ANO10: variants seen among roughly 807,000 people sequenced by gnomAD.
ANO10 encodes the protein anoctamin-10.
In ANO10, 77 loss-of-function variants were observed where a neutral mutation model predicts 74.7. The ratio of observed to expected loss-of-function variants is 1.03; its 90% confidence interval spans 0.86 to 1.25. ANO10 has a LOEUF of 1.25. Among genes scored for constraint, ANO10 ranks in the 50% most tolerant of loss-of-function variants. The pLI, the probability that ANO10 is intolerant of heterozygous loss-of-function variation, is 0.00. For missense variants in ANO10, 721 were observed against 778.1 expected (o/e 0.93, Z 0.87); for synonymous variants, 279 against 284.9 (o/e 0.98, Z 0.21).
chr3:43,556,756 G>A (rs554971191), intron 9 of ANO10, among the ~76,000 whole-genome samples: 4 of 152,060 alleles, frequency 2.6e-5, no homozygotes, highest in East Asian at 1.9e-4. Flanking sequence ...CTAAAAACAC[G>A]GAACAAACAT....
At chr3:43,421,873 TGTA>T (rs1251613375) in intron 12 of ANO10, among the ~76,000 whole-genome samples, 6 of 152,064 alleles carry the variant, frequency 3.9e-5, no homozygotes, top group African/African-American at 7.2e-5. Flanking sequence ...GTAAAATACG[TGTA>T]ACATAAAATC....
chr3:43,470,263 C>T (rs2075796964), intron 11 of ANO10, among the ~76,000 whole-genome samples: 1 of 152,202 alleles, frequency 6.6e-6, no homozygotes, highest in Admixed American at 6.5e-5. Context: ...TTCCAACATT[C>T]TGGAAAAAGC....
rs144440898 is a variant in ANO10 at position 43,652,433 on chromosome 3, C to T, written c.-12+39084G>A. On this transcript the variant is annotated intron_variant, in intron 1 of 3. Transcript: ENST00000413397. The stretch of plus-strand genomic sequence containing the variant: ...AGAACAGTCTTTTCAACAAACAGTG[C>T]TCAGACAACTGAATGTTCACAAGCA... 3.7e-3 allele frequency among the ~76,000 whole-genome samples: 558 copies of T among 152,264 alleles called. 2 individuals carry two copies. Among genetic ancestry groups the T allele is most frequent in the African/African-American group, 0.013 (528 of 41,538 alleles).
chr3:43,439,686 C>T (rs2093129940), intron 11 of ANO10, among the ~76,000 whole-genome samples: 1 of 151,898 alleles, frequency 6.6e-6, no homozygotes. Flanking sequence ...TTGAAACCAG[C>T]CTGGGCAACA....
Position 43,605,804 on chromosome 3 carries a change from G to T in ANO10, c.49C>A (p.Pro17Thr). ...TGAGCAAGTTCTATGACCACCAAAG[G>T]TGTGAAAGAACTCTCAGAAGTATCC... Reference protein sequence around the residue: ...ALDTSESSFTPLVVIELAQDV... With the variant: ...ALDTSESSFTTLVVIELAQDV... Residue 17 changes from proline to threonine, a missense_variant, in exon 2 of 13, where the codon CCT (proline) becomes ACT (threonine). Pro to Thr is a conservative substitution (Grantham distance 38). Coordinates refer to ENST00000292246, the MANE Select transcript of ANO10 (RefSeq NM_018075.5). 6.2e-7 allele frequency: 1 copy of T among 1,613,636 alleles called. No homozygotes were observed.
chr3:43,567,892 C>A (rs532036800), intron 7 of ANO10, among the ~76,000 whole-genome samples: 2 of 152,066 alleles, frequency 1.3e-5, no homozygotes, highest in African/African-American at 4.8e-5. Flanking sequence ...GACGGGCAAA[C>A]TGGATAAAGA....
intron 1 of ANO10, among the ~76,000 whole-genome samples, chr3:43,663,150 G>C (rs2083946293): frequency 6.6e-6 from 1 of 152,136 alleles, no homozygotes; most frequent in African/African-American, 2.4e-5. Context: ...TCAATAAAAT[G>C]CTGGCAAACC....
At position 43,437,090 on chromosome 3, in the gene ANO10, T is replaced by C. The variant is rs141593895; in HGVS notation, c.1798-4363A>G. On this transcript the variant is annotated intron_variant, in intron 11 of 12. Transcript: ENST00000292246. The stretch of plus-strand genomic sequence containing the variant: ...GGAGCAGAGATTGAAAAAAATGTTA[T>C]GGAATTAGGCTCTTAAGAAAACAAC... Among the ~76,000 whole-genome samples, 27 of 152,334 alleles carry C rather than the reference T, an allele frequency of 1.8e-4. No homozygotes were observed. In the East Asian group the frequency reaches 4.2e-3, roughly 24 times the overall value.
Position 43,383,235 on chromosome 3 carries a change from C to T in ANO10, c.1915-16261G>A, listed in dbSNP as rs180718358. Among the ~76,000 whole-genome samples, 41 of 152,184 alleles carry T rather than the reference C, an allele frequency of 2.7e-4. No homozygotes were observed. The East Asian group carries it at 4.4e-3, about 17-fold the overall frequency. On this transcript the variant is annotated intron_variant, in intron 12 of 12. Transcript: ENST00000292246. ...TTGGGAGGCCAAGGCGGGCAGATCACGAGGTCAGGAGATCCAGACCATCCT... is the reference window on the plus strand; with the variant it reads ...TTGGGAGGCCAAGGCGGGCAGATCATGAGGTCAGGAGATCCAGACCATCCT...
At chr3:43,656,583 G>A (rs1368291842) in intron 1 of ANO10, among the ~76,000 whole-genome samples, 1 of 152,258 alleles carries the variant, frequency 6.6e-6, no homozygotes, top group Non-Finnish European at 1.5e-5. Flanking sequence ...CGGGAAGGCA[G>A]CTAAGGCCTG....
intron 11 of ANO10, among the ~76,000 whole-genome samples, chr3:43,491,453 G>A (rs1237641345): frequency 2.0e-5 from 3 of 152,154 alleles, no homozygotes; most frequent in African/African-American, 7.2e-5. Flanking sequence ...GGTGGGGGCT[G>A]CAGTGAGCCA....
chr3:43,546,128 G>C (rs935470472), intron 11 of ANO10, among the ~76,000 whole-genome samples: 2 of 152,048 alleles, frequency 1.3e-5, no homozygotes, highest in Non-Finnish European at 2.9e-5. Context: ...AAGTCAATAA[G>C]GTATAAACAA....
At chr3:43,582,165 T>C (rs1250406653) in intron 4 of ANO10, among the ~76,000 whole-genome samples, 2 of 151,708 alleles carry the variant, frequency 1.3e-5, no homozygotes, top group Non-Finnish European at 2.9e-5. Flanking sequence ...AAACACAAAG[T>C]TTTTGGCTGG....
At chr3:43,666,352 G>A (rs916174360) in intron 1 of ANO10, among the ~76,000 whole-genome samples, 3 of 152,010 alleles carry the variant, frequency 2.0e-5, no homozygotes, top group Admixed American at 6.6e-5. Context: ...CTGGATTGGG[G>A]GAATTGAATT....
At chr3:43,656,187 T>C (rs1305288510) in intron 1 of ANO10, among the ~76,000 whole-genome samples, 1 of 149,568 alleles carries the variant, frequency 6.7e-6, no homozygotes, top group Non-Finnish European at 1.5e-5. Flanking sequence ...CCAGAGCAGC[T>C]AGATACAGAG....
chr3:43,468,494 G>C (rs1475281203), intron 11 of ANO10, among the ~76,000 whole-genome samples: 2 of 152,086 alleles, frequency 1.3e-5, no homozygotes, highest in Non-Finnish European at 2.9e-5. Context: ...TGGCTTTCTA[G>C]GACTGTACAA....
intron 11 of ANO10, among the ~76,000 whole-genome samples, chr3:43,483,770 T>G (rs1227594537): frequency 6.6e-6 from 1 of 152,142 alleles, no homozygotes; most frequent in Admixed American, 6.5e-5. Flanking sequence ...ACATGGAAGG[T>G]GTACATTGGT....
At chr3:43,423,452 G>A (rs1483094282) in intron 12 of ANO10, among the ~76,000 whole-genome samples, 3 of 152,146 alleles carry the variant, frequency 2.0e-5, no homozygotes, top group Admixed American at 6.5e-5. Context: ...CCTGGCCCTC[G>A]GGGACCTCGC....
chr3:43,416,820 A>G (rs2092745640), intron 12 of ANO10, among the ~76,000 whole-genome samples: 1 of 152,212 alleles, frequency 6.6e-6, no homozygotes, highest in South Asian at 2.1e-4. Flanking sequence ...ATTATTGTCA[A>G]TCATCAACCA....
Sources: allele counts gnomAD v4.1 joint callset (sites outside exome capture counted in the v4.1 genomes callset), GRCh38; gene constraint gnomAD v4.1.1; transcripts MANE v1.5; gene names NCBI Gene and HGNC (gene_info 2026-07-23, HGNC 2026-07-21).